Variants in NLRC5 observed in about 807,000 individuals in gnomAD.
The protein encoded by NLRC5 is NLR family CARD domain containing 5.
NLRC5 carries 114 observed loss-of-function variants against 206.9 expected under a neutral mutation model. The observed-to-expected ratio is 0.55, with a 90% confidence interval of 0.47 to 0.64. The LOEUF is 0.64. Ranked by LOEUF, NLRC5 falls within the 30% of genes least tolerant of loss-of-function variation. NLRC5 has a pLI of 0.00. For missense variants in NLRC5, 2,008 were observed against 2,305.5 expected, an observed-to-expected ratio of 0.87 and a Z score of 2.64; for synonymous variants, 952 against 962.8, an observed-to-expected ratio of 0.99 and a Z score of 0.21.
intron 1 of NLRC5, among the ~76,000 whole-genome samples, chr16:56,997,379 C>T (rs562167653): frequency 4.6e-5 from 7 of 152,178 alleles, no homozygotes; most frequent in Admixed American, 2.0e-4. Flanking sequence ...CATGTCCCCT[C>T]CTTGTGCTGT....
In NLRC5 at chr16:57,079,614, C is replaced by T; in HGVS notation, c.5306C>T (p.Ala1769Val). The T allele has an allele frequency of 1.2e-6, 2 of 1,613,856 alleles. No individual in the cohort carries two copies. Among genetic ancestry groups the T allele is most frequent in the Middle Eastern group, 1.7e-4 (1 of 6,058 alleles). The stretch of plus-strand genomic sequence containing the variant: ...ACCTCCAGCTTCACGAGCTGCCCTG[C>T]CCTGGAAGTAATCTTGTGAGTGATT... The part of the protein sequence containing the change: ...LLTSSFTSCP[A>V]LEVILLSWNL... Residue 1769 changes from alanine (A) to valine (V), a missense_variant, in exon 46 of 49, where the codon GCC (alanine) becomes GTC (valine). Transcript: ENST00000688547.
chr16:57,066,662 G>A (rs1019233362), intron 34 of NLRC5, 48 bp downstream of exon 34: 46 of 1,524,100 alleles, frequency 3.0e-5, no homozygotes, highest in Non-Finnish European at 3.9e-5. Context: ...GTGTTGGGGA[G>A]GGGGCAGGGC....
rs534263309 is a variant in NLRC5, at chr16:57,020,952, G to A, written c.240G>A (p.Leu80=). 14 of 1,614,096 alleles carry A rather than the reference G, an allele frequency of 8.7e-6. No individual in the cohort carries two copies. Among genetic ancestry groups the A allele is most frequent in the South Asian group, 6.6e-5 (6 of 91,080 alleles). ...QSFIHCVCMQ[L]EVPLDLEVLL... ...TCATTCATTGTGTGTGCATGCAGCTGGAGGTGCCTCTGGACCTGGAGGTGC... is the reference window on the plus strand; with the variant it reads ...TCATTCATTGTGTGTGCATGCAGCTAGAGGTGCCTCTGGACCTGGAGGTGC... Residue 80 remains leucine, a synonymous_variant, in exon 3 of 49, where the codon CTG becomes CTA. Transcript: ENST00000688547.
chr16:57,082,621 C>A lies in NLRC5; in HGVS notation c.*93C>A. On this transcript the variant is annotated 3_prime_UTR_variant, in exon 49 of 49. Transcript: ENST00000688547. ...GGATAATTGACTCAGGAAAGAAGAG[C>A]CTCGGCAGGGCGCTCTGCACTCCAC... 1.1e-6 allele frequency: 1 copy of A among 921,212 alleles called. No homozygotes were observed. Among genetic ancestry groups the A allele is most frequent in the Non-Finnish European group, 1.7e-6 (1 of 589,180 alleles). The allele number at this position is 921,212 out of a possible 1,614,324, so 57.1% of individuals were successfully genotyped here.
intron 5 of NLRC5, 86 bp from the exon 6 acceptor site, chr16:57,025,282 C>A: frequency 6.7e-7 from 1 of 1,488,564 alleles, no homozygotes; most frequent in African/African-American, 1.4e-5. Context: ...GGGCTACAGG[C>A]TCCCAACAGC....
intron 20 of NLRC5, 52 bp from the exon 21 acceptor site, chr16:57,045,396 G>C: frequency 1.2e-6 from 2 of 1,605,286 alleles, no homozygotes; most frequent in Non-Finnish European, 8.5e-7. Context: ...GCCACTGCCA[G>C]GGAAGTTGGT....
chr16:56,990,051 C>A (rs2056619283), intron 1 of NLRC5, among the ~76,000 whole-genome samples: 1 of 152,184 alleles, frequency 6.6e-6, no homozygotes, highest in African/African-American at 2.4e-5. Flanking sequence ...TTGGCCTAAA[C>A]AACTTTTTAT....
chr16:57,081,166 G>T lies in NLRC5; in HGVS notation c.5390G>T (p.Arg1797Leu). Residue 1797 changes from arginine to leucine, a missense_variant, in exon 47 of 49, where the codon CGG (arginine) becomes CTG (leucine). Arg to Leu is a moderately radical substitution (Grantham distance 102, BLOSUM62 -2). Transcript: ENST00000688547. ...GCCCAGGTGCTGCCGCAGATGGGCC[G>T]GCTGAAGAGAGTGGAGTATGAGGGG... ...ELAQVLPQMG[R>L]LKRVDLEKNQ... 1.9e-6 allele frequency: 3 copies of T among 1,542,364 alleles called. No homozygotes were observed. The highest frequency in any genetic ancestry group is 2.6e-6 in the Non-Finnish European group (3 of 1,147,410).
chr16:57,002,792 G>T (rs2058436838), intron 1 of NLRC5, among the ~76,000 whole-genome samples: 1 of 151,810 alleles, frequency 6.6e-6, no homozygotes, highest in African/African-American at 2.4e-5. Context: ...CAGGCATGGG[G>T]CGCCACTACG....
chr16:57,005,796 T>C (rs1449418885), intron 1 of NLRC5, among the ~76,000 whole-genome samples: 1 of 151,792 alleles, frequency 6.6e-6, no homozygotes, highest in Non-Finnish European at 1.5e-5. Flanking sequence ...GGTGTGCACT[T>C]GTAGTCCCAG....
In NLRC5 at chr16:57,079,209, C is replaced by T. The variant is rs1271832961; in HGVS notation, c.5166-12C>T. ...GGGGGTTCCTCTCACAGGTATCTCC[C>T]CTACCCTGCAGCTTGGCGGAAAACA... On this transcript the variant is annotated splice_polypyrimidine_tract_variant and intron_variant, in intron 44 of 48. Transcript: ENST00000688547. The T allele has an allele frequency of 6.2e-7, 1 of 1,614,034 alleles. No homozygotes were observed. Among genetic ancestry groups the T allele is most frequent in the Non-Finnish European group, 8.5e-7 (1 of 1,180,030 alleles).
rs1206210273 is a variant in NLRC5, at chr16:57,029,990, T to C, written c.2328-5T>C. On this transcript the variant is annotated splice_polypyrimidine_tract_variant and splice_region_variant and intron_variant, in intron 9 of 48. Transcript: ENST00000688547. Reference sequence around the variant, plus strand: ...ACTCCTGACACCTTTGCCACAATCTTGCAGCCTGAGCAGCAACAGCATCTG... The same window carrying C: ...ACTCCTGACACCTTTGCCACAATCTCGCAGCCTGAGCAGCAACAGCATCTG... 1.2e-6 allele frequency: 2 copies of C among 1,614,048 alleles called. No homozygotes were observed. The highest frequency in any genetic ancestry group is 2.7e-5 in the African/African-American group (2 of 74,926).
chr16:57,040,545 C>G, intron 16 of NLRC5, 105 bp from the exon 17 acceptor site: 3 of 1,103,230 alleles, frequency 2.7e-6, no homozygotes, highest in East Asian at 2.4e-5. Context: ...CTGATTGACT[C>G]TAGGTGGAGG....
chr16:57,071,911 G>T (rs1567641190), intron 38 of NLRC5, among the ~76,000 whole-genome samples: 1 of 151,944 alleles, frequency 6.6e-6, no homozygotes, highest in East Asian at 1.9e-4. Flanking sequence ...TGCATGTTTT[G>T]TGAACACAAA....
chr16:57,072,576 T>G (rs535469067), intron 38 of NLRC5, among the ~76,000 whole-genome samples: 1 of 152,330 alleles, frequency 6.6e-6, no homozygotes, highest in Admixed American at 6.5e-5. Flanking sequence ...ATCAAATTCT[T>G]AGAAATGCCA....
At chr16:57,080,606 T>C (rs529065185) in intron 46 of NLRC5, among the ~76,000 whole-genome samples, 1 of 149,034 alleles carries the variant, frequency 6.7e-6, no homozygotes, top group South Asian at 2.1e-4. Flanking sequence ...TGCCTCAGCC[T>C]CCTGAGTAGC....
At chr16:57,030,597 T>C (rs1369501465) in intron 10 of NLRC5, among the ~76,000 whole-genome samples, 4 of 149,864 alleles carry the variant, frequency 2.7e-5, no homozygotes, top group Admixed American at 2.7e-4. Context: ...GCTGAAAAGA[T>C]GGATAGGTGT....
At position 57,081,253 on chromosome 16, in the gene NLRC5, TG is replaced by T. The variant is rs1391732116; in HGVS notation, c.5405+75del. 8 of 1,412,722 alleles carry T rather than the reference TG, an allele frequency of 5.7e-6. No individual in the cohort carries two copies. In the East Asian group the frequency reaches 1.7e-4, roughly 31 times the overall value. 87.5% of individuals were successfully genotyped at this position (1,412,722 alleles called of 1,614,324 possible). The stretch of plus-strand genomic sequence containing the variant: ...CATCCCGGGAACACCAAGAGGCCAC[TG>T]GGTCAGTCCCCTGCCTCCCAGAAAG... On this transcript the variant is annotated intron_variant, in intron 47 of 48. Coordinates refer to ENST00000688547, the MANE Select transcript of NLRC5 (RefSeq NM_001384950.1).
chr16:57,005,560 A>G (rs1411383804), intron 1 of NLRC5, among the ~76,000 whole-genome samples: 1 of 152,102 alleles, frequency 6.6e-6, no homozygotes, highest in Non-Finnish European at 1.5e-5. Flanking sequence ...CAACTCGTAT[A>G]GCTGAAGTAA....
Sources: gnomAD v4.1 joint callset for allele counts (sites outside exome capture counted in the v4.1 genomes callset) on GRCh38, gnomAD v4.1.1 for gene constraint, MANE v1.5 for transcripts, NCBI Gene and HGNC (gene_info 2026-07-23, HGNC 2026-07-21) for gene names.